The following ABCA5 variants were observed in gnomAD, a reference collection of about 807,000 sequenced individuals.
ABCA5 encodes ATP binding cassette subfamily A member 5, also known as cholesterol transporter ABCA5.
A neutral mutation model predicts 206.0 loss-of-function variants in ABCA5; 163 were observed. That is an observed-to-expected ratio of 0.79 (90% CI 0.70 to 0.90). ABCA5 has a LOEUF of 0.90. Ranked by LOEUF, ABCA5 falls within the 40% of genes least tolerant of loss-of-function variation. ABCA5 has a pLI of 0.00. For missense variants in ABCA5, 1,859 were observed against 1,912.9 expected (o/e 0.97, Z 0.53); for synonymous variants, 609 against 613.8 (o/e 0.99, Z 0.11).
Position 69,265,052 on chromosome 17 carries a change from T to A in ABCA5, c.3145-147A>T, listed in dbSNP as rs372484002. On this transcript the variant is annotated intron_variant, in intron 23 of 38. Transcript: ENST00000392676. The stretch of plus-strand genomic sequence containing the variant: ...GGCTTATAGGTAATAAAAGTCCCCC[T>A]CACACTAAATACAAATTCCATTTAG... 455 of 464,820 alleles carry A rather than the reference T, an allele frequency of 9.8e-4. 5 individuals are homozygous for A. The East Asian group carries it at 0.016, about 16-fold the overall frequency. The allele number at this position is 464,820 out of a possible 1,614,324, so 28.8% of individuals were successfully genotyped here.
intron 6 of ABCA5, among the ~76,000 whole-genome samples, chr17:69,306,316 T>G (rs11649744): frequency 0.42 from 63,672 of 151,992 alleles, 14,605 homozygotes; most frequent in Middle Eastern, 0.54. Flanking sequence ...AAATTTTTAA[T>G]ATTATATATA....
Position 69,304,779 on chromosome 17 carries a change from T to G in ABCA5, c.820A>C (p.Ile274Leu), listed in dbSNP as rs1301818193. 5 of 1,605,648 alleles carry G rather than the reference T, an allele frequency of 3.1e-6. No individual in the cohort carries two copies. The African/African-American group carries it at 4.0e-5, about 13-fold the overall frequency. Residue 274 changes from isoleucine (I) to leucine (L), a missense_variant, in exon 7 of 39, where the codon ATT becomes CTT. Ile to Leu is a conservative substitution (Grantham distance 5). Coordinates refer to ENST00000392676, the MANE Select transcript of ABCA5 (RefSeq NM_172232.4). The part of the protein sequence containing the change: ...LSWVLLYTSL[I>L]FLMSLLMAVI... ...GCCATAAGAAGGGACATAAGAAAAA[T>G]TAAACTTGTATATAGAAGAACCCAG...
At chr17:69,263,531 T>C (rs1437062326) in intron 24 of ABCA5, among the ~76,000 whole-genome samples, 1 of 152,092 alleles carries the variant, frequency 6.6e-6, no homozygotes, top group African/African-American at 2.4e-5. Flanking sequence ...GAAGATCAGA[T>C]GGCTATAGAT....
At position 69,259,123 on chromosome 17, in the gene ABCA5, T is replaced by C. The variant is rs532595059; in HGVS notation, c.3731+583A>G. On this transcript the variant is annotated intron_variant, in intron 28 of 38. Transcript: ENST00000392676. ...TGAAAATATATGTCCATACAAACAG[T>C]TGTATACAAACTAGCAACATTGTTC... 5.3e-5 allele frequency among the ~76,000 whole-genome samples: 8 copies of C among 152,148 alleles called. No individual in the cohort carries two copies. The South Asian group carries it at 1.2e-3, about 24-fold the overall frequency.
Position 69,259,764 on chromosome 17 carries a change from A to T in ABCA5, c.3673T>A (p.Leu1225Ile), listed in dbSNP as rs749169708. Residue 1225 changes from leucine (L) to isoleucine (I), a missense_variant, in exon 28 of 39, where the codon TTA (leucine) becomes ATA (isoleucine). Transcript: ENST00000392676. ...YLQCVLWIFLLQYYEKKYGGR... is the reference protein window; with the variant it reads ...YLQCVLWIFLIQYYEKKYGGR... ...CCATATTTTTTCTCATAGTATTGTAAGAGGAAAATCCACAGTACACACTGC... is the reference window on the plus strand; with the variant it reads ...CCATATTTTTTCTCATAGTATTGTATGAGGAAAATCCACAGTACACACTGC... The T allele has an allele frequency of 1.2e-5, 19 of 1,609,262 alleles. 1 individual carries two copies. The Middle Eastern group carries it at 5.0e-4, about 42-fold the overall frequency.
intron 32 of ABCA5, among the ~76,000 whole-genome samples, 198 bp from the exon 33 acceptor site, chr17:69,254,067 A>C (rs1156384124): frequency 6.6e-6 from 1 of 152,114 alleles, no homozygotes; most frequent in Non-Finnish European, 1.5e-5. Flanking sequence ...CTTTGAATTA[A>C]AATAAGTTTC....
intron 13 of ABCA5, 49 bp downstream of exon 13, chr17:69,289,813 T>C (rs117013052): frequency 0.013 from 18,229 of 1,412,370 alleles, 148 homozygotes; most frequent in Non-Finnish European, 0.016. Context: ...TTACAAAAGG[T>C]TATTGATTAC....
At chr17:69,283,280 G>A (rs1031535351) in intron 18 of ABCA5, among the ~76,000 whole-genome samples, 10 of 152,080 alleles carry the variant, frequency 6.6e-5, no homozygotes, top group South Asian at 4.2e-4. Flanking sequence ...CACTGCGCCC[G>A]GCCTCCCTAT....
intron 1 of ABCA5, chr17:69,318,987 A>C: frequency 2.0e-6 from 1 of 507,092 alleles, no homozygotes; most frequent in Non-Finnish European, 3.6e-6. Context: ...CAGCAGAAAA[A>C]CCCATGTCTC....
chr17:69,319,110 G>T (rs919941388), intron 1 of ABCA5: 1 of 262,026 alleles, frequency 3.8e-6, no homozygotes, highest in Non-Finnish European at 7.2e-6. Flanking sequence ...TCTTCTAACA[G>T]TCTCAACTAT....
chr17:69,309,240 A>G (rs765912227), intron 4 of ABCA5, 22 bp downstream of exon 4: 11 of 1,508,076 alleles, frequency 7.3e-6, no homozygotes, highest in South Asian at 5.3e-5. Context: ...TTGATCTTCA[A>G]TGATTATGTA....
rs142879901 is a variant in ABCA5, at chr17:69,315,777, C to T, written c.-15-1347G>A. ...CAGCCTGGGTGACAGAGCAAGGATC[C>T]GCCTCAAAAAAAAAAAAAAATAGCA... On this transcript the variant is annotated intron_variant, in intron 1 of 38. Transcript: ENST00000392676. 5.3e-3 allele frequency among the ~76,000 whole-genome samples: 495 copies of T among 93,286 alleles called. 15 individuals carry two copies. In the East Asian group the frequency reaches 0.14, roughly 27 times the overall value. 61.2% of individuals were successfully genotyped at this position (93,286 alleles called of 152,430 possible). A position where few individuals can be genotyped will look rare whatever the true frequency, so the allele number is the denominator to read the frequency against.
Position 69,253,826 on chromosome 17 carries a change from C to G in ABCA5, c.4288G>C (p.Val1430Leu). 1 of 1,612,856 alleles carries G rather than the reference C, an allele frequency of 6.2e-7. No homozygotes were observed. Among genetic ancestry groups the G allele is most frequent in the Non-Finnish European group, 8.5e-7 (1 of 1,179,592 alleles). The change falls in exon 33 of 39, where the codon GTA (valine) becomes CTA (leucine). Residue 1430 changes from valine (V) to leucine (L), a missense_variant. By Grantham distance (32) the Val-to-Leu change is conservative. Transcript: ENST00000392676. ...LDLKEHLQKT[V>L]KKLPAGIKRK... ...TTGATTCCTGCAGGTAGTTTCTTTA[C>G]AGTCTTCTGAAGATGTTCTTTTAAA...
chr17:69,308,205 T>G (rs1041961474), intron 5 of ABCA5, 75 bp downstream of exon 5: 1 of 915,808 alleles, frequency 1.1e-6, no homozygotes, highest in Non-Finnish European at 1.7e-6. Context: ...TCAAACCAAA[T>G]ACTATTGTAA....
rs2145029265 is a variant in ABCA5, at chr17:69,308,329, G to A, written c.509C>T (p.Ser170Phe). ...SKSCEAAQYW[S>F]SGFTVLQASI... ...TGCTTGTAAAACTGTGAAACCTGAG[G>A]ACCAGTACTGAGCAGCCTCACATGA... The change falls in exon 5 of 39, where the codon TCC becomes TTC. Residue 170 changes from serine (S) to phenylalanine (F), a missense_variant. Ser to Phe is a radical substitution (Grantham distance 155). Transcript: ENST00000392676. 1.2e-6 allele frequency: 2 copies of A among 1,612,092 alleles called. No individual in the cohort carries two copies. Among genetic ancestry groups the A allele is most frequent in the Non-Finnish European group, 1.7e-6 (2 of 1,178,646 alleles).
intron 2 of ABCA5, among the ~76,000 whole-genome samples, chr17:69,313,812 C>A (rs1427769807): frequency 6.6e-6 from 1 of 152,034 alleles, no homozygotes; most frequent in Non-Finnish European, 1.5e-5. Flanking sequence ...ATTGTTTTAC[C>A]AGTTTCAGGG....
Position 69,313,322 on chromosome 17 carries a change from A to G in ABCA5, c.103-26T>C, listed in dbSNP as rs571402763. ...CTACAATAAAAGAAACAAAGTAATT[A>G]CAAAGTATAACAATGGCAGCAAAAA... On this transcript the variant is annotated intron_variant, in intron 2 of 38. Coordinates refer to ENST00000392676, the MANE Select transcript of ABCA5 (RefSeq NM_172232.4). The G allele has an allele frequency of 3.7e-5, 40 of 1,069,712 alleles. 2 individuals are homozygous for G. The South Asian group carries it at 5.5e-4, about 15-fold the overall frequency. The allele number at this position is 1,069,712 out of a possible 1,614,324, so 66.3% of individuals were successfully genotyped here. A position where few individuals can be genotyped will look rare whatever the true frequency, so the allele number is the denominator to read the frequency against.
intron 14 of ABCA5, among the ~76,000 whole-genome samples, chr17:69,288,696 T>C (rs1408402322): frequency 2.2e-5 from 3 of 139,200 alleles, no homozygotes; most frequent in East Asian, 2.1e-4. Context: ...CAAGGTCTCG[T>C]CTCTACAAAT....
intron 34 of ABCA5, 60 bp downstream of exon 34, chr17:69,253,512 TA>T: frequency 8.9e-7 from 1 of 1,122,546 alleles, no homozygotes; most frequent in Non-Finnish European, 1.3e-6. Flanking sequence ...TAAACTATTA[TA>T]ATAAAAGAAA....
Sources: allele counts gnomAD v4.1 joint callset (sites outside exome capture counted in the v4.1 genomes callset), GRCh38; gene constraint gnomAD v4.1.1; transcripts MANE v1.5; gene names NCBI Gene and HGNC (gene_info 2026-07-23, HGNC 2026-07-21).